ARFGEF3: variants seen among roughly 807,000 people sequenced by gnomAD.
ARFGEF3 encodes ARFGEF family member 3, also known as brefeldin A-inhibited guanine nucleotide-exchange protein 3.
In ARFGEF3, 96 loss-of-function variants were observed where a neutral mutation model predicts 221.7. That is an observed-to-expected ratio of 0.43 (90% CI 0.37 to 0.51). The LOEUF (loss-of-function observed/expected upper bound fraction) is 0.51, where lower values mean the gene tolerates loss of function less well. Among genes scored for constraint, ARFGEF3 ranks in the 20% least tolerant of loss-of-function variants. The pLI is 0.00. For synonymous variants in ARFGEF3, 1,145 were observed against 1,126.8 expected (o/e 1.02, Z -0.32); for missense variants, 2,410 against 2,789.9 (o/e 0.86, Z 3.07).
At chr6:138,300,694 A>C (rs1403446329) in intron 22 of ARFGEF3, among the ~76,000 whole-genome samples, 1 of 152,198 alleles carries the variant, frequency 6.6e-6, no homozygotes, top group African/African-American at 2.4e-5. Flanking sequence ...ATAATAAAAG[A>C]CGGGGAAGCT....
chr6:138,283,619 A>G (rs1389248700), intron 14 of ARFGEF3, among the ~76,000 whole-genome samples: 3 of 152,208 alleles, frequency 2.0e-5, no homozygotes, highest in Non-Finnish European at 4.4e-5. Context: ...AGTGCCAGCA[A>G]TCTGATGATC....
chr6:138,334,168 G>A lies in ARFGEF3; in HGVS notation c.5322G>A (p.Leu1774=), dbSNP rs1236914150. The A allele has an allele frequency of 1.9e-6, 3 of 1,613,810 alleles. No individual in the cohort carries two copies. Among genetic ancestry groups the A allele is most frequent in the South Asian group, 2.2e-5 (2 of 91,078 alleles). The part of the protein sequence containing the change: ...MQNLAVIFDL[L]LDSYRTAREF... ...ACTTGGCAGTCATATTCGACCTGCTGCTGGACTCTTATAGGACTGCCAGGG... is the reference window on the plus strand; with the variant it reads ...ACTTGGCAGTCATATTCGACCTGCTACTGGACTCTTATAGGACTGCCAGGG... Residue 1774 remains leucine (L), a synonymous_variant, in exon 33 of 34, where the codon CTG becomes CTA. Coordinates refer to ENST00000251691, the MANE Select transcript of ARFGEF3 (RefSeq NM_020340.5). This position sits in a 1 kb window ranked among gnomAD's most constrained non-coding sequence, Gnocchi z 5.1.
chr6:138,202,674 T>A (rs1583008577), intron 2 of ARFGEF3, among the ~76,000 whole-genome samples: 1 of 145,464 alleles, frequency 6.9e-6, no homozygotes. Flanking sequence ...TTACTAGTAT[T>A]TACTAGCAAA....
chr6:138,234,681 A>G (rs1778251958), intron 5 of ARFGEF3, among the ~76,000 whole-genome samples: 1 of 152,190 alleles, frequency 6.6e-6, no homozygotes, highest in Non-Finnish European at 1.5e-5. Context: ...TAATGTGTTC[A>G]AGAAGCATTT....
intron 4 of ARFGEF3, among the ~76,000 whole-genome samples, chr6:138,212,235 G>T (rs1301466830): frequency 2.0e-5 from 3 of 152,158 alleles, no homozygotes; most frequent in Admixed American, 6.5e-5. Flanking sequence ...CATTTTTCAA[G>T]AATATATTGT....
chr6:138,196,602 T>C (rs1456045977), intron 2 of ARFGEF3, among the ~76,000 whole-genome samples: 3 of 152,252 alleles, frequency 2.0e-5, no homozygotes, highest in Non-Finnish European at 2.9e-5. Flanking sequence ...TGTACACTGC[T>C]CTAGCCTTTA....
intron 2 of ARFGEF3, 36 bp from the exon 3 acceptor site, chr6:138,207,006 G>A: frequency 6.4e-7 from 1 of 1,554,394 alleles, no homozygotes; most frequent in Non-Finnish European, 8.8e-7. Context: ...CAGCTTTACT[G>A]AGCTCACATG....
chr6:138,225,215 A>G (rs974332805), intron 4 of ARFGEF3, among the ~76,000 whole-genome samples: 1 of 152,218 alleles, frequency 6.6e-6, no homozygotes, highest in East Asian at 1.9e-4. Flanking sequence ...CCTTTTAGTT[A>G]TAATTTATTG....
chr6:138,218,394 ATATTTAC>A (rs767211326), intron 4 of ARFGEF3: 1 of 1,535,270 alleles, frequency 6.5e-7, no homozygotes, highest in Non-Finnish European at 8.8e-7. Context: ...GAAGGCCCTC[ATATTTAC>A]TACTGTAAAT....
intron 12 of ARFGEF3, among the ~76,000 whole-genome samples, chr6:138,265,792 GTC>G (rs1001441684): frequency 3.5e-4 from 53 of 152,052 alleles, no homozygotes; most frequent in Non-Finnish European, 4.1e-4. Context: ...TTGTACTTCG[GTC>G]TCTCTCTCTT....
At chr6:138,299,962 C>T (rs1010174495) in intron 22 of ARFGEF3, among the ~76,000 whole-genome samples, 8 of 152,092 alleles carry the variant, frequency 5.3e-5, no homozygotes, top group African/African-American at 1.9e-4. Context: ...ACAGAAGCAA[C>T]AAAACTCCCC....
At chr6:138,199,344 C>T (rs1314427924) in intron 2 of ARFGEF3, among the ~76,000 whole-genome samples, 1 of 152,298 alleles carries the variant, frequency 6.6e-6, no homozygotes, top group South Asian at 2.1e-4. Context: ...GCTTAGATCA[C>T]AGAATCCTAG....
At position 138,262,803 on chromosome 6, in the gene ARFGEF3, C is replaced by T. The variant is rs376301356; in HGVS notation, c.1320C>T (p.Leu440=). The stretch of plus-strand genomic sequence containing the variant: ...CCTTGCTGGGTGCCCTGGATGAGCT[C>T]AGCCAGGGGAAGGGCTTGAGCGAAG... ...VCTLLGALDE[L]SQGKGLSEGQ... The change falls in exon 12 of 34, where the codon CTC becomes CTT. Residue 440 remains leucine (L), a synonymous_variant. Coordinates refer to ENST00000251691, the MANE Select transcript of ARFGEF3 (RefSeq NM_020340.5). 7.0e-5 allele frequency: 113 copies of T among 1,614,036 alleles called. No homozygotes were observed. The highest frequency in any genetic ancestry group is 8.8e-5 in the Non-Finnish European group (104 of 1,179,900).
intron 1 of ARFGEF3, among the ~76,000 whole-genome samples, chr6:138,166,635 A>C (rs1776729038): frequency 6.6e-6 from 1 of 152,214 alleles, no homozygotes; most frequent in Non-Finnish European, 1.5e-5. Context: ...GAAAGGCAGA[A>C]AGAACTTCAG....
chr6:138,207,147 GGGATGATA>G (rs1777639142), intron 3 of ARFGEF3, 24 bp downstream of exon 3: 1 of 1,584,678 alleles, frequency 6.3e-7, no homozygotes, highest in South Asian at 1.1e-5. Context: ...TGAATGCAAT[GGGATGATA>G]GAAATTGACA....
intron 2 of ARFGEF3, among the ~76,000 whole-genome samples, chr6:138,191,776 C>G (rs561009998): frequency 6.6e-6 from 1 of 152,316 alleles, no homozygotes; most frequent in African/African-American, 2.4e-5. Context: ...GTAGTCTTCT[C>G]TACTTCGTTT....
rs1425548145 is a variant in ARFGEF3, at chr6:138,338,261, C to G, written c.*1775C>G. On this transcript the variant is annotated 3_prime_UTR_variant, in exon 34 of 34. Coordinates refer to ENST00000251691, the MANE Select transcript of ARFGEF3 (RefSeq NM_020340.5). ...TATGTTGTATACTTTTGAATTTTTACATTTTATAAATGGAATTGAAAGTTG... is the reference window on the plus strand; with the variant it reads ...TATGTTGTATACTTTTGAATTTTTAGATTTTATAAATGGAATTGAAAGTTG... 6.6e-6 allele frequency: 1 copy of G among 152,200 alleles called. No individual in the cohort carries two copies. Among genetic ancestry groups the G allele is most frequent in the Non-Finnish European group, 1.5e-5 (1 of 68,030 alleles). The allele number at this position is 152,200 out of a possible 1,614,324, so 9.4% of individuals were successfully genotyped here.
Position 138,336,493 on chromosome 6 carries a change from C to G in ARFGEF3, c.*7C>G. 6.3e-7 allele frequency: 1 copy of G among 1,594,258 alleles called. No individual in the cohort carries two copies. Among genetic ancestry groups the G allele is most frequent in the Non-Finnish European group, 8.5e-7 (1 of 1,169,938 alleles). On this transcript the variant is annotated 3_prime_UTR_variant, in exon 34 of 34. Coordinates refer to ENST00000251691, the MANE Select transcript of ARFGEF3 (RefSeq NM_020340.5). ...CTATGACATCATTGTGTAGCCGACTCCTGTTCTACTCTCCCACCAAATAAC... is the reference window on the plus strand; with the variant it reads ...CTATGACATCATTGTGTAGCCGACTGCTGTTCTACTCTCCCACCAAATAAC...
rs1278300395 is a variant in ARFGEF3 at position 138,340,598 on chromosome 6, C to T, written c.*4112C>T. On this transcript the variant is annotated 3_prime_UTR_variant, in exon 34 of 34. Coordinates refer to ENST00000251691, the MANE Select transcript of ARFGEF3 (RefSeq NM_020340.5). The stretch of plus-strand genomic sequence containing the variant: ...TAGTGAATGTCACTGTGATTGCAAA[C>T]CCTTACCTGTATTATCACACGTAGT... 3 of 152,104 alleles carry T rather than the reference C, an allele frequency of 2.0e-5. No homozygotes were observed. The highest frequency in any genetic ancestry group is 2.9e-5 in the Non-Finnish European group (2 of 68,016). 9.4% of individuals were successfully genotyped at this position (152,104 alleles called of 1,614,324 possible).
Sources: gnomAD v4.1 joint callset for allele counts (sites outside exome capture counted in the v4.1 genomes callset) on GRCh38, gnomAD v4.1.1 for gene constraint, Gnocchi (gnomAD v3.1) non-coding constraint, MANE v1.5 for transcripts, NCBI Gene and HGNC (gene_info 2026-07-23, HGNC 2026-07-21) for gene names.